TNIK: variants seen among roughly 807,000 people sequenced by gnomAD.
TNIK encodes the protein TRAF2 and NCK interacting kinase.
A neutral mutation model predicts 191.3 loss-of-function variants in TNIK; 49 were observed. The ratio of observed to expected loss-of-function variants is 0.26; its 90% CI spans 0.20 to 0.32. The LOEUF (loss-of-function observed/expected upper bound fraction) is 0.32. Ranked by LOEUF, TNIK falls within the 10% of genes least tolerant of loss-of-function variation. The pLI is 1.00. For missense variants in TNIK, 1,155 were observed against 1,702.3 expected (o/e 0.68, Z 5.66); for synonymous variants, 594 against 600.9 (o/e 0.99, Z 0.17).
At chr3:171,131,337 CAAAAAAAAAAAAAAAAAAAA>C (rs61728094) in intron 15 of TNIK, among the ~76,000 whole-genome samples, 32 of 23,168 alleles carry the variant, frequency 1.4e-3, no homozygotes, top group East Asian at 7.0e-3. Context: ...GACTCCGTCT[CAAAAAAAAAAAAAAAAAAAA>C]AAAAAAAAAA....
At chr3:171,373,910 C>G (rs1398685571) in intron 1 of TNIK, among the ~76,000 whole-genome samples, 1 of 152,212 alleles carries the variant, frequency 6.6e-6, no homozygotes, top group Non-Finnish European at 1.5e-5. Flanking sequence ...ATGTTGTGCA[C>G]AGCTCTATGA....
intron 2 of TNIK, among the ~76,000 whole-genome samples, chr3:171,299,218 G>T (rs984425836): frequency 3.9e-5 from 6 of 152,252 alleles, no homozygotes; most frequent in African/African-American, 7.2e-5. Flanking sequence ...GCAGGCTTCT[G>T]TGCCAATAAA....
intron 2 of TNIK, among the ~76,000 whole-genome samples, chr3:171,335,569 GATTC>G (rs1756875430): frequency 6.6e-6 from 1 of 152,156 alleles, no homozygotes; most frequent in Admixed American, 6.5e-5. Flanking sequence ...ACAATTTTGG[GATTC>G]ATTCATGCTG....
intron 2 of TNIK, among the ~76,000 whole-genome samples, chr3:171,360,383 T>G (rs1714800761): frequency 6.6e-6 from 1 of 152,222 alleles, no homozygotes; most frequent in Non-Finnish European, 1.5e-5. Flanking sequence ...GTTTTGCAGT[T>G]GGAAAAGCAC....
intron 2 of TNIK, among the ~76,000 whole-genome samples, chr3:171,264,115 T>C (rs868419527): frequency 3.7e-3 from 377 of 103,072 alleles, no homozygotes; most frequent in African/African-American, 0.011. Flanking sequence ...CACACACATA[T>C]ATATATATAT....
chr3:171,331,220 C>A (rs1020750994), intron 2 of TNIK, among the ~76,000 whole-genome samples: 1 of 152,154 alleles, frequency 6.6e-6, no homozygotes, highest in African/African-American at 2.4e-5. Flanking sequence ...GTGCGCTACT[C>A]CATAAATTCA....
At chr3:171,393,795 A>T (rs1719874098) in intron 1 of TNIK, among the ~76,000 whole-genome samples, 1 of 151,742 alleles carries the variant, frequency 6.6e-6, no homozygotes, top group African/African-American at 2.4e-5. Flanking sequence ...ATGTTCATTT[A>T]TCAGGTATTT....
intron 2 of TNIK, among the ~76,000 whole-genome samples, chr3:171,316,462 TAAG>T (rs1230197093): frequency 6.6e-6 from 1 of 152,084 alleles, no homozygotes; most frequent in Non-Finnish European, 1.5e-5. Flanking sequence ...TATAAATGAA[TAAG>T]GAGTAAAATT....
intron 11 of TNIK, among the ~76,000 whole-genome samples, chr3:171,160,027 G>C (rs1410924493): frequency 6.6e-6 from 1 of 152,186 alleles, no homozygotes; most frequent in African/African-American, 2.4e-5. Context: ...GTAACCTTTT[G>C]GGTAAGCTTT....
At chr3:171,137,587 A>G (rs1245546591) in intron 15 of TNIK, among the ~76,000 whole-genome samples, 2 of 152,188 alleles carry the variant, frequency 1.3e-5, no homozygotes, top group Non-Finnish European at 2.9e-5. Flanking sequence ...AAATAGCTCA[A>G]CATAGTGCTA....
intron 2 of TNIK, among the ~76,000 whole-genome samples, chr3:171,283,365 T>C (rs1750683249): frequency 6.6e-6 from 1 of 152,184 alleles, no homozygotes. Flanking sequence ...TACAGAAGAT[T>C]TGGCAACCTA....
At chr3:171,387,116 A>G (rs569906140) in intron 1 of TNIK, among the ~76,000 whole-genome samples, 3 of 152,290 alleles carry the variant, frequency 2.0e-5, no homozygotes, top group South Asian at 4.2e-4. Flanking sequence ...TTACAATTTA[A>G]AAGTTTGAAA....
At chr3:171,264,138 C>T (rs1748086580) in intron 2 of TNIK, among the ~76,000 whole-genome samples, 1 of 143,350 alleles carries the variant, frequency 7.0e-6, no homozygotes, top group African/African-American at 2.6e-5. Context: ...ATATACACCC[C>T]TTACCTGGCT....
chr3:171,130,733 T>A (rs1030478333), intron 15 of TNIK, among the ~76,000 whole-genome samples: 4 of 152,212 alleles, frequency 2.6e-5, no homozygotes, highest in Admixed American at 2.0e-4. Flanking sequence ...TCAGGGTAGA[T>A]CATTAATAGA....
intron 2 of TNIK, among the ~76,000 whole-genome samples, chr3:171,281,544 T>G (rs1416503447): frequency 6.6e-6 from 1 of 152,224 alleles, no homozygotes; most frequent in Non-Finnish European, 1.5e-5. Context: ...TTTGTGAGGA[T>G]TAAATAAAGG....
chr3:171,097,614 T>C (rs1033505174), intron 22 of TNIK, among the ~76,000 whole-genome samples: 1 of 152,224 alleles, frequency 6.6e-6, no homozygotes, highest in African/African-American at 2.4e-5. Context: ...CCCCTGCACA[T>C]GCTCTCTTGC....
chr3:171,181,245 G>A (rs1736617621), intron 7 of TNIK, among the ~76,000 whole-genome samples: 2 of 152,198 alleles, frequency 1.3e-5, no homozygotes, highest in Admixed American at 1.3e-4. Context: ...ATTGCACAAT[G>A]GAAATAACCG....
Position 171,062,340 on chromosome 3 carries a change from A to C in TNIK, c.*1541T>G, listed in dbSNP as rs974803827. 1 of 152,196 alleles carries C rather than the reference A, an allele frequency of 6.6e-6. No individual in the cohort carries two copies. Among genetic ancestry groups the C allele is most frequent in the East Asian group, 1.9e-4 (1 of 5,208 alleles). 9.4% of individuals were successfully genotyped at this position (152,196 alleles called of 1,614,324 possible). A position where few individuals can be genotyped will look rare whatever the true frequency, so the allele number is the denominator to read the frequency against. ...CCTGAGATTGCCGGTTGAGCTCTCT[A>C]TATGTCTCCTGGAGATAACACTGCT... On this transcript the variant is annotated 3_prime_UTR_variant, in exon 33 of 33. Coordinates refer to ENST00000436636, the MANE Select transcript of TNIK (RefSeq NM_015028.4).
chr3:171,312,194 A>G (rs569406125), intron 2 of TNIK, among the ~76,000 whole-genome samples: 31 of 151,198 alleles, frequency 2.1e-4, no homozygotes, highest in African/African-American at 7.0e-4. Context: ...TGAATATATA[A>G]TAAGTTTAAA....
Sources: allele counts gnomAD v4.1 joint callset (sites outside exome capture counted in the v4.1 genomes callset), GRCh38; gene constraint gnomAD v4.1.1; transcripts MANE v1.5; gene names NCBI Gene and HGNC (gene_info 2026-07-23, HGNC 2026-07-21).